The following FSTL5 variants were observed in gnomAD, a reference collection of about 807,000 sequenced individuals.
FSTL5 encodes follistatin-related protein 5.
FSTL5 carries 62 observed loss-of-function variants against 89.1 expected under a neutral mutation model. The observed-to-expected ratio is 0.70, with a 90% CI of 0.57 to 0.86. FSTL5 has a LOEUF of 0.86. Ranked by LOEUF, FSTL5 falls within the 40% of genes least tolerant of loss-of-function variation. The pLI is 0.00. For missense variants in FSTL5, 1,057 were observed against 1,001.6 expected, an observed-to-expected ratio of 1.06 and a Z score of -0.75; for synonymous variants, 383 against 346.2, an observed-to-expected ratio of 1.11 and a Z score of -1.18.
chr4:161,839,049 T>C (rs922436052), intron 4 of FSTL5, among the ~76,000 whole-genome samples: 18 of 152,070 alleles, frequency 1.2e-4, no homozygotes, highest in Non-Finnish European at 7.4e-5. Context: ...AGGATGCAGC[T>C]AAAGCAGTGA....
At chr4:162,077,317 C>T (rs1416820673) in intron 2 of FSTL5, among the ~76,000 whole-genome samples, 3 of 151,742 alleles carry the variant, frequency 2.0e-5, no homozygotes, top group African/African-American at 7.3e-5. Flanking sequence ...GGGTGGTGTG[C>T]CCATTACCCA....
chr4:161,439,486 C>T (rs1732687549), intron 15 of FSTL5, among the ~76,000 whole-genome samples: 1 of 152,136 alleles, frequency 6.6e-6, no homozygotes, highest in Non-Finnish European at 1.5e-5. Flanking sequence ...AGTCTGTTTT[C>T]TAATTCATAA....
At chr4:162,026,026 T>C (rs1312966527) in intron 3 of FSTL5, among the ~76,000 whole-genome samples, 6 of 151,612 alleles carry the variant, frequency 4.0e-5, no homozygotes, top group African/African-American at 1.5e-4. Flanking sequence ...ATTTCATGTT[T>C]ATAGTGTCTG....
intron 8 of FSTL5, among the ~76,000 whole-genome samples, chr4:161,576,785 T>C (rs759504840): frequency 2.1e-4 from 32 of 152,214 alleles, no homozygotes; most frequent in Non-Finnish European, 4.6e-4. Context: ...TGAAAAACAA[T>C]AATTACCTTC....
intron 8 of FSTL5, among the ~76,000 whole-genome samples, chr4:161,569,026 C>T (rs1732913908): frequency 6.6e-6 from 1 of 152,146 alleles, no homozygotes; most frequent in African/African-American, 2.4e-5. Flanking sequence ...TGGCTTTCTA[C>T]AATGTGTCTT....
At chr4:161,503,266 C>T (rs1001855676) in intron 11 of FSTL5, among the ~76,000 whole-genome samples, 1 of 151,652 alleles carries the variant, frequency 6.6e-6, no homozygotes. Flanking sequence ...TTATGTTTTG[C>T]AGGTATCTAT....
At chr4:162,101,607 A>G (rs1388775609) in intron 2 of FSTL5, among the ~76,000 whole-genome samples, 1 of 152,170 alleles carries the variant, frequency 6.6e-6, no homozygotes, top group Non-Finnish European at 1.5e-5. Context: ...AAATAGAAGA[A>G]TATTTCTACT....
At chr4:161,458,090 G>A (rs1733429250) in intron 14 of FSTL5, among the ~76,000 whole-genome samples, 1 of 152,168 alleles carries the variant, frequency 6.6e-6, no homozygotes, top group Admixed American at 6.5e-5. Flanking sequence ...ACCCAGCTGA[G>A]CACCATCACC....
chr4:161,834,481 GT>G (rs1560872136), intron 4 of FSTL5, among the ~76,000 whole-genome samples: 2 of 152,124 alleles, frequency 1.3e-5, no homozygotes, highest in African/African-American at 4.8e-5. Flanking sequence ...GAAATAAAGG[GT>G]ATTCAATCAG....
At chr4:161,587,320 T>G (rs1733650582) in intron 8 of FSTL5, 135 bp downstream of exon 8, 1 of 678,670 alleles carries the variant, frequency 1.5e-6, no homozygotes, top group African/African-American at 1.9e-5. Flanking sequence ...CTTAAAAAAC[T>G]TTTACATTAT....
At chr4:161,621,827 CAAAAAAAAAAAA>C (rs58143952) in intron 7 of FSTL5, among the ~76,000 whole-genome samples, 1 of 90,380 alleles carries the variant, frequency 1.1e-5, no homozygotes, top group Non-Finnish European at 2.3e-5. Context: ...TCTAAAAATA[CAAAAAAAAAAAA>C]AAAAAAAAAA....
At chr4:161,954,846 G>T (rs1734986980) in intron 3 of FSTL5, among the ~76,000 whole-genome samples, 1 of 151,504 alleles carries the variant, frequency 6.6e-6, no homozygotes, top group South Asian at 2.1e-4. Flanking sequence ...ATTGAAGATG[G>T]TCATAATAAA....
chr4:162,116,631 C>T (rs1731652241), intron 1 of FSTL5, among the ~76,000 whole-genome samples: 1 of 152,052 alleles, frequency 6.6e-6, no homozygotes, highest in Non-Finnish European at 1.5e-5. Context: ...CTTTCCCAGG[C>T]GGTGCTAGAT....
chr4:161,496,456 C>T (rs1730071757), intron 12 of FSTL5, among the ~76,000 whole-genome samples: 1 of 152,106 alleles, frequency 6.6e-6, no homozygotes. Flanking sequence ...TATGGGCTTC[C>T]TCTAATCAGT....
At chr4:161,744,614 T>A (rs1438486351) in intron 6 of FSTL5, among the ~76,000 whole-genome samples, 1 of 152,076 alleles carries the variant, frequency 6.6e-6, no homozygotes, top group East Asian at 1.9e-4. Context: ...CTAGCTAAAG[T>A]CTCTAATAGT....
At chr4:161,723,569 A>T (rs1340051434) in intron 6 of FSTL5, among the ~76,000 whole-genome samples, 1 of 152,172 alleles carries the variant, frequency 6.6e-6, no homozygotes, top group East Asian at 1.9e-4. Flanking sequence ...TGCATTAAAT[A>T]GGAATTTGGA....
intron 12 of FSTL5, among the ~76,000 whole-genome samples, chr4:161,487,393 C>T (rs1255817115): frequency 6.6e-6 from 1 of 152,134 alleles, no homozygotes; most frequent in Non-Finnish European, 1.5e-5. Context: ...AGTTGGCATA[C>T]AATTTGCTAC....
In FSTL5 at chr4:161,542,602, C is replaced by A. The variant is rs1578911969; in HGVS notation, c.1107G>T (p.Lys369Asn). 6.4e-7 allele frequency: 1 copy of A among 1,570,622 alleles called. No individual in the cohort carries two copies. The highest frequency in any genetic ancestry group is 1.4e-5 in the African/African-American group (1 of 73,110). Reference protein sequence around the residue: ...SLRCHAEGIPKPQLGWLKNGI... With the variant: ...SLRCHAEGIPNPQLGWLKNGI... ...CATTCTTCAACCAGCCAAGCTGAGG[C>A]TTTGGTATGCCCTCTGCATGGCACC... The change falls in exon 9 of 16, where the codon AAG (lysine) becomes AAT (asparagine). Residue 369 changes from lysine to asparagine, a missense_variant. This residue lies in a region of FSTL5 where 980 missense variants were observed against 903.2 expected (regional missense o/e 1.08). Transcript: ENST00000306100.
intron 13 of FSTL5, among the ~76,000 whole-genome samples, chr4:161,478,726 A>G (rs1277917507): frequency 1.3e-5 from 2 of 152,134 alleles, no homozygotes; most frequent in Non-Finnish European, 2.9e-5. Flanking sequence ...TACTAATAAA[A>G]AAGTTTTCAC....
Sources: allele counts gnomAD v4.1 joint callset (sites outside exome capture counted in the v4.1 genomes callset), GRCh38; gene constraint gnomAD v4.1.1; regional missense constraint gnomAD v4.1.1; transcripts MANE v1.5; gene names NCBI Gene and HGNC (gene_info 2026-07-23, HGNC 2026-07-21).